The following NOL3 variants were observed in gnomAD, a reference collection of about 807,000 sequenced individuals.
NOL3 encodes the protein nucleolar protein 3.
A neutral mutation model predicts 19.2 loss-of-function variants in NOL3; 18 were observed. The ratio of observed to expected loss-of-function variants is 0.94; its 90% CI spans 0.65 to 1.39. The LOEUF (loss-of-function observed/expected upper bound fraction) is 1.39. Ranked by LOEUF, NOL3 falls within the 40% of genes most tolerant of loss-of-function variation. NOL3 has a pLI of 0.00. For missense variants in NOL3, 290 were observed against 289.5 expected, an observed-to-expected ratio of 1.00 and a Z score of -0.01; for synonymous variants, 127 against 137.3, an observed-to-expected ratio of 0.93 and a Z score of 0.52.
chr16:67,171,869 C>T (rs2031784213), intron 1 of NOL3: 1 of 152,232 alleles, frequency 6.6e-6, no homozygotes, highest in African/African-American at 2.4e-5. Context: ...TGGAGACTCA[C>T]TGAGAAGTGG....
Position 67,174,957 on chromosome 16 carries a change from C to A in NOL3, c.619+13C>A. 6.2e-7 allele frequency: 1 copy of A among 1,609,922 alleles called. No individual in the cohort carries two copies. ...GACGAGTCCGAAGGTGTGAGTCCGC[C>A]CAAACCCTGAGCCGGCTTGGCGGGA... On this transcript the variant is annotated intron_variant, in intron 3 of 3. Transcript: ENST00000268605.
chr16:67,174,505 G>T, intron 2 of NOL3, 41 bp downstream of exon 2: 9 of 1,467,080 alleles, frequency 6.1e-6, no homozygotes, highest in Non-Finnish European at 7.2e-6. Flanking sequence ...GCAGGGACGG[G>T]GCTGGGGCAG....
intron 1 of NOL3, 86 bp from the exon 2 acceptor site, chr16:67,174,076 C>T (rs1192772305): frequency 6.3e-7 from 1 of 1,588,698 alleles, no homozygotes; most frequent in African/African-American, 1.3e-5. Context: ...TGGGTGTTCA[C>T]TGGGGGCATT....
intron 1 of NOL3, chr16:67,173,616 C>G: frequency 1.9e-6 from 1 of 524,910 alleles, no homozygotes; most frequent in South Asian, 2.3e-5. Flanking sequence ...AGGGCCAAAG[C>G]AGGAGGCAGA....
At chr16:67,175,204 C>A in exon 4 of NOL3, 1 of 1,530,526 alleles carries the variant, frequency 6.5e-7, no homozygotes, top group Non-Finnish European at 8.8e-7. Context: ...CCTGGGCTCT[C>A]TCCACGATTC....
chr16:67,173,304 A>C (rs2031884284), intron 1 of NOL3, among the ~76,000 whole-genome samples: 1 of 152,148 alleles, frequency 6.6e-6, no homozygotes, highest in Non-Finnish European at 1.5e-5. Context: ...GGGCTTCAGT[A>C]GGGAGACAGG....
rs528140604 is a variant in NOL3, at chr16:67,174,774, C to T, written c.449C>T (p.Pro150Leu). The change falls in exon 3 of 4, where the codon CCG becomes CTG. Residue 150 changes from proline (P) to leucine (L), a missense_variant. Coordinates refer to ENST00000268605, the Ensembl canonical transcript of NOL3. ...TCCGAGGCGGTGCAATCCGGGACCC[C>T]GGAGGAGCCAGAGCCAGAGCTGGAA... 7.9e-5 allele frequency: 127 copies of T among 1,607,808 alleles called. No homozygotes were observed. The highest frequency in any genetic ancestry group is 1.0e-4 in the Non-Finnish European group (123 of 1,177,192).
rs1425532685 is a variant in NOL3 at position 67,174,613 on chromosome 16, C to T, written c.296-8C>T. ...ATTGAGCCTCAGTCACTCCCACTTCCGCCCCAGGCTACCGGGACCGCAGCT... is the reference window on the plus strand; with the variant it reads ...ATTGAGCCTCAGTCACTCCCACTTCTGCCCCAGGCTACCGGGACCGCAGCT... On this transcript the variant is annotated splice_region_variant and splice_polypyrimidine_tract_variant and intron_variant, in intron 2 of 3. Transcript: ENST00000268605. 9 of 1,524,542 alleles carry T rather than the reference C, an allele frequency of 5.9e-6. No homozygotes were observed. Among genetic ancestry groups the T allele is most frequent in the East Asian group, 2.3e-5 (1 of 44,180 alleles). The allele number at this position is 1,524,542 out of a possible 1,614,324, so 94.4% of individuals were successfully genotyped here.
At chr16:67,174,069 G>A (rs1265413211) in intron 1 of NOL3, 93 bp from the exon 2 acceptor site, 2 of 1,582,030 alleles carry the variant, frequency 1.3e-6, no homozygotes, top group East Asian at 4.6e-5. Context: ...CCCAGCCTGG[G>A]TGTTCACTGG....
intron 1 of NOL3, chr16:67,172,798 A>C (rs1327618490): frequency 6.6e-6 from 1 of 150,838 alleles, no homozygotes; most frequent in Non-Finnish European, 1.5e-5. Flanking sequence ...AGCCTGATCA[A>C]TATAGCAAGA....
chr16:67,174,285 T>C, exon 2 of NOL3: 1 of 1,611,466 alleles, frequency 6.2e-7, no homozygotes, highest in Non-Finnish European at 8.5e-7. Context: ...GCGCGGGGCG[T>C]GCTCACCGGG....
chr16:67,172,296 G>A (rs1269578087), intron 1 of NOL3, among the ~76,000 whole-genome samples: 1 of 152,156 alleles, frequency 6.6e-6, no homozygotes, highest in African/African-American at 2.4e-5. Flanking sequence ...ACAGGAATGG[G>A]CCATAATCCT....
At chr16:67,174,813 A>G (rs747026857) in exon 3 of NOL3, 3 of 1,604,396 alleles carry the variant, frequency 1.9e-6, no homozygotes, top group Non-Finnish European at 1.7e-6. Flanking sequence ...GAGGCCTCTA[A>G]AGAGGCTGAA....
chr16:67,174,762 A>G, exon 3 of NOL3: 1 of 1,609,652 alleles, frequency 6.2e-7, no homozygotes, highest in Non-Finnish European at 8.5e-7. Context: ...GAGGCGGTGC[A>G]ATCCGGGACC....
At chr16:67,174,868 A>T in exon 3 of NOL3, 6 of 1,611,406 alleles carry the variant, frequency 3.7e-6, no homozygotes, top group Non-Finnish European at 5.1e-6. Flanking sequence ...AGGCTGAAGC[A>T]GAACCAGAGC....
At chr16:67,173,745 G>T (rs1160863945) in intron 1 of NOL3, 7 of 873,560 alleles carry the variant, frequency 8.0e-6, no homozygotes, top group Non-Finnish European at 1.0e-5. Flanking sequence ...TTTCTGCCTG[G>T]TTAGGTGGGG....
chr16:67,173,894 A>G (rs774816240), intron 1 of NOL3: 197 of 1,535,506 alleles, frequency 1.3e-4, no homozygotes, highest in Admixed American at 3.9e-4. Flanking sequence ...AAGGCAGGGG[A>G]GGAGAGGAGA....
chr16:67,175,073 G>A, exon 4 of NOL3: 1 of 1,614,244 alleles, frequency 6.2e-7, no homozygotes, highest in Non-Finnish European at 8.5e-7. Context: ...GCTCTGACAG[G>A]CGGTGCCCCG....
At chr16:67,175,185 C>T (rs754526780) in exon 4 of NOL3, 10 of 1,562,030 alleles carry the variant, frequency 6.4e-6, no homozygotes, top group Middle Eastern at 1.7e-4. Flanking sequence ...TCCGGAGGGT[C>T]GGACGGGACC....
Sources: allele counts gnomAD v4.1 joint callset (sites outside exome capture counted in the v4.1 genomes callset), GRCh38; gene constraint gnomAD v4.1.1; transcripts MANE v1.5; gene names NCBI Gene and HGNC (gene_info 2026-07-23, HGNC 2026-07-21).